The following NAALADL2 variants were observed in gnomAD, a reference collection of about 807,000 sequenced individuals.
The protein encoded by NAALADL2 is N-acetylated alpha-linked acidic dipeptidase like 2, also known as inactive N-acetylated-alpha-linked acidic dipeptidase-like protein 2.
In NAALADL2, 76 loss-of-function variants were observed where a neutral mutation model predicts 87.2. The observed-to-expected ratio is 0.87, with a 90% CI of 0.72 to 1.05. NAALADL2 has a LOEUF of 1.05. Ranked by LOEUF, NAALADL2 falls within the 50% of genes least tolerant of loss-of-function variation. The probability of loss-of-function intolerance (pLI) is 0.00; values close to 1 mark genes in which losing one functional copy is unlikely to be tolerated. For missense variants in NAALADL2, 1,089 were observed against 945.8 expected (o/e 1.15, Z -1.99); for synonymous variants, 354 against 331.0 (o/e 1.07, Z -0.75).
intron 1 of NAALADL2, among the ~76,000 whole-genome samples, chr3:174,460,643 T>C (rs1716158534): frequency 6.6e-6 from 1 of 152,028 alleles, no homozygotes; most frequent in South Asian, 2.1e-4. Flanking sequence ...AATATTCTGC[T>C]TTTTCAACAT....
Position 174,955,642 on chromosome 3 carries a change from A to G in NAALADL2, c.43+96192A>G, listed in dbSNP as rs1314502614. Among the ~76,000 whole-genome samples, 3 of 152,214 alleles carry G rather than the reference A, an allele frequency of 2.0e-5. No homozygotes were observed. The East Asian group carries it at 5.8e-4, about 29-fold the overall frequency. ...AAAGGATTAAATAGTATTAAAGTTA[A>G]CTAAAGACAAATAGAGATATCAGAG... On this transcript the variant is annotated intron_variant, in intron 1 of 13. Transcript: ENST00000454872.
At chr3:174,785,633 G>T (rs1054196701) in intron 3 of NAALADL2, among the ~76,000 whole-genome samples, 1 of 151,968 alleles carries the variant, frequency 6.6e-6, no homozygotes, top group Non-Finnish European at 1.5e-5. Flanking sequence ...CACTGTTTTG[G>T]TCCTGTGACT....
intron 5 of NAALADL2, among the ~76,000 whole-genome samples, chr3:175,380,326 CTGTG>C (rs1767648667): frequency 1.3e-5 from 2 of 152,130 alleles, no homozygotes; most frequent in Non-Finnish European, 2.9e-5. Flanking sequence ...GAAAGAATGT[CTGTG>C]TGTTTGTTAT....
chr3:175,111,664 A>G (rs1414000051), intron 2 of NAALADL2, among the ~76,000 whole-genome samples: 1 of 151,694 alleles, frequency 6.6e-6, no homozygotes, highest in African/African-American at 2.4e-5. Context: ...GCGGTGGTCT[A>G]CACATGCCCT....
intron 12 of NAALADL2, among the ~76,000 whole-genome samples, chr3:175,746,247 T>C (rs190644188): frequency 2.1e-4 from 32 of 151,924 alleles, no homozygotes; most frequent in African/African-American, 6.5e-4. Context: ...AAGGTGATGA[T>C]CACACTAAAG....
chr3:175,243,346 GCA>G lies in NAALADL2; in HGVS notation c.819+9144_819+9145del, dbSNP rs1747312562. Among the ~76,000 whole-genome samples the G allele has an allele frequency of 5.7e-5, 5 of 87,692 alleles. No homozygotes were observed. In the East Asian group the frequency reaches 1.1e-3, roughly 20 times the overall value. 57.5% of individuals were successfully genotyped at this position (87,692 alleles called of 152,430 possible). On this transcript the variant is annotated intron_variant, in intron 3 of 13. Coordinates refer to ENST00000454872, the MANE Select transcript of NAALADL2 (RefSeq NM_207015.3). ...AACACACACACACACACACACACAC[GCA>G]CGCACACACACACGCCAGCACAAAC...
At chr3:174,987,167 CTGT>C (rs1255810071) in intron 1 of NAALADL2, among the ~76,000 whole-genome samples, 1 of 152,086 alleles carries the variant, frequency 6.6e-6, no homozygotes, top group Non-Finnish European at 1.5e-5. Context: ...TAAAGGATAT[CTGT>C]TGATTATGAT....
chr3:174,543,955 C>G (rs1052931766), intron 1 of NAALADL2, among the ~76,000 whole-genome samples: 1 of 151,342 alleles, frequency 6.6e-6, no homozygotes, highest in Non-Finnish European at 1.5e-5. Context: ...TTGCAGTGAG[C>G]TGAGATCATG....
At chr3:174,941,065 G>T (rs1335673608) in intron 1 of NAALADL2, among the ~76,000 whole-genome samples, 1 of 151,836 alleles carries the variant, frequency 6.6e-6, no homozygotes, top group Non-Finnish European at 1.5e-5. Flanking sequence ...GGTTTGTTTT[G>T]CTTCTGTAAT....
intron 1 of NAALADL2, among the ~76,000 whole-genome samples, chr3:174,974,806 AAG>A (rs1170798178): frequency 1.3e-5 from 2 of 152,090 alleles, no homozygotes; most frequent in African/African-American, 2.4e-5. Context: ...GAGAAAGAGA[AAG>A]AGGGAGAGAG....
chr3:175,012,169 T>C (rs1749911187), intron 1 of NAALADL2, among the ~76,000 whole-genome samples: 1 of 152,132 alleles, frequency 6.6e-6, no homozygotes, highest in Non-Finnish European at 1.5e-5. Context: ...TTATTTTATT[T>C]ATTTATTTAT....
rs1726187152 is a variant in NAALADL2, at chr3:174,859,353, A to G, written c.-55A>G. The G allele has an allele frequency of 7.5e-7, 1 of 1,333,608 alleles. No individual in the cohort carries two copies. Among genetic ancestry groups the G allele is most frequent in the South Asian group, 1.2e-5 (1 of 81,342 alleles). 82.6% of individuals were successfully genotyped at this position (1,333,608 alleles called of 1,614,324 possible). ...AAAGTCAGAAGGTCACAAAGCTTGCAGGGTAAGTGACACAACTTGAAACTG... is the reference window on the plus strand; with the variant it reads ...AAAGTCAGAAGGTCACAAAGCTTGCGGGGTAAGTGACACAACTTGAAACTG... On this transcript the variant is annotated 5_prime_UTR_variant, in exon 1 of 14. Transcript: ENST00000454872.
rs566067754 is a variant in NAALADL2 at position 174,529,756 on chromosome 3, A to AT, written c.-183-20813_-183-20812insT. Among the ~76,000 whole-genome samples the AT allele has an allele frequency of 1.9e-3, 287 of 152,290 alleles. 2 individuals carry two copies. The highest frequency in any genetic ancestry group is 6.7e-3 in the African/African-American group (280 of 41,560). ...AAGGCTTGAAGCTTGCACCCTCTGA[A>AT]GCCACAACCCAGGCTCTATGTTGGC... On this transcript the variant is annotated intron_variant, in intron 1 of 3. Coordinates refer to the NAALADL2 transcript ENST00000434257.
intron 5 of NAALADL2, among the ~76,000 whole-genome samples, chr3:175,338,399 C>A (rs1005367362): frequency 6.6e-6 from 1 of 151,338 alleles, no homozygotes; most frequent in Admixed American, 6.6e-5. Context: ...TGCTGCAGGG[C>A]GGTATAAAAA....
intron 2 of NAALADL2, among the ~76,000 whole-genome samples, chr3:174,557,078 A>G (rs1204923378): frequency 1.3e-5 from 2 of 152,204 alleles, no homozygotes; most frequent in Non-Finnish European, 2.9e-5. Flanking sequence ...TTATTATATG[A>G]CAACATGTAA....
intron 1 of NAALADL2, among the ~76,000 whole-genome samples, chr3:175,051,284 G>A (rs1361377247): frequency 6.6e-6 from 1 of 152,120 alleles, no homozygotes; most frequent in Non-Finnish European, 1.5e-5. Context: ...AAACTTAGTG[G>A]GTTAAACAAT....
chr3:175,403,546 C>T (rs1259056351), intron 5 of NAALADL2, among the ~76,000 whole-genome samples: 1 of 151,906 alleles, frequency 6.6e-6, no homozygotes, highest in Admixed American at 6.6e-5. Context: ...CTGTTTTCCG[C>T]CCACTTTATT....
chr3:175,497,916 T>A (rs1729030699), intron 9 of NAALADL2, among the ~76,000 whole-genome samples: 1 of 152,136 alleles, frequency 6.6e-6, no homozygotes, highest in Admixed American at 6.6e-5. Flanking sequence ...TGAAAAGCAC[T>A]TGATATAGTG....
intron 5 of NAALADL2, among the ~76,000 whole-genome samples, chr3:175,441,773 A>G (rs891284068): frequency 6.6e-6 from 1 of 151,770 alleles, no homozygotes; most frequent in African/African-American, 2.4e-5. Flanking sequence ...CTCATTCACC[A>G]TCATCATTAA....
Sources: allele counts gnomAD v4.1 joint callset (sites outside exome capture counted in the v4.1 genomes callset), GRCh38; gene constraint gnomAD v4.1.1; transcripts MANE v1.5; gene names NCBI Gene and HGNC (gene_info 2026-07-23, HGNC 2026-07-21).